CDK14: variants seen among roughly 807,000 people sequenced by gnomAD.
CDK14 encodes cyclin-dependent kinase 14.
A neutral mutation model predicts 60.7 loss-of-function variants in CDK14; 34 were observed. The observed-to-expected ratio is 0.56, with a 90% CI of 0.43 to 0.75. CDK14 has a LOEUF of 0.75. CDK14 is among the 30% of genes least tolerant of loss of function. The pLI is 0.00. For synonymous variants in CDK14, 197 were observed against 203.7 expected, an observed-to-expected ratio of 0.97 and a Z score of 0.28; for missense variants, 482 against 564.1, an observed-to-expected ratio of 0.85 and a Z score of 1.47.
intron 6 of CDK14, among the ~76,000 whole-genome samples, chr7:90,886,995 C>T (rs563849189): frequency 6.6e-6 from 1 of 152,170 alleles, no homozygotes; most frequent in Admixed American, 6.5e-5. Flanking sequence ...TTGACATTTG[C>T]TCATAGGTAC....
chr7:91,071,448 A>AT (rs1048158298), intron 11 of CDK14, among the ~76,000 whole-genome samples: 13 of 151,468 alleles, frequency 8.6e-5, no homozygotes, highest in Non-Finnish European at 1.8e-4. Context: ...GGGACCCCTC[A>AT]CCCCCCCAGC....
intron 14 of CDK14, among the ~76,000 whole-genome samples, chr7:91,127,489 T>C (rs1378071724): frequency 6.6e-6 from 1 of 152,164 alleles, no homozygotes; most frequent in Non-Finnish European, 1.5e-5. Context: ...TTGGTGTTTA[T>C]ACTCAGTGGT....
intron 2 of CDK14, among the ~76,000 whole-genome samples, chr7:90,682,233 C>T (rs1240996721): frequency 2.0e-5 from 3 of 151,994 alleles, no homozygotes; most frequent in African/African-American, 4.8e-5. Flanking sequence ...CTAGAAAAAT[C>T]TTTAAGGGAA....
chr7:90,841,998 C>T (rs1452260782), intron 5 of CDK14, among the ~76,000 whole-genome samples: 1 of 151,996 alleles, frequency 6.6e-6, no homozygotes, highest in Non-Finnish European at 1.5e-5. Flanking sequence ...ATAATCATAA[C>T]ACCTTGGAGT....
At chr7:91,124,671 C>CG (rs1160227709) in intron 14 of CDK14, among the ~76,000 whole-genome samples, 2 of 151,464 alleles carry the variant, frequency 1.3e-5, no homozygotes, top group Non-Finnish European at 2.9e-5. Flanking sequence ...TGGTGAGGGG[C>CG]GGGGGGAATA....
intron 2 of CDK14, chr7:90,692,731 A>G (rs1309946985): frequency 1.2e-6 from 1 of 843,356 alleles, no homozygotes; most frequent in Non-Finnish European, 1.4e-6. Context: ...TCCAAAGGAT[A>G]CTTTTAAAGT....
At chr7:90,616,713 A>C (rs1029318242) in intron 2 of CDK14, among the ~76,000 whole-genome samples, 2 of 152,232 alleles carry the variant, frequency 1.3e-5, no homozygotes, top group Non-Finnish European at 2.9e-5. Flanking sequence ...ATACAATGCA[A>C]ATTGTACAGT....
At position 91,086,562 on chromosome 7, in the gene CDK14, GTTCATCACATA is replaced by G. The variant is rs1798646655; in HGVS notation, c.1154+7084_1154+7094del. On this transcript the variant is annotated intron_variant, in intron 12 of 14. Transcript: ENST00000380050. ...AAACACCGTAAAGGCTCAGCTTCCT[GTTCATCACATA>G]TGAGATGCTATTGAGAGGGGCTCCA... 6.6e-5 allele frequency among the ~76,000 whole-genome samples: 10 copies of G among 152,138 alleles called. No homozygotes were observed. In the South Asian group the frequency reaches 2.1e-3, roughly 32 times the overall value.
intron 8 of CDK14, among the ~76,000 whole-genome samples, chr7:90,937,424 C>G (rs1793789023): frequency 6.6e-6 from 1 of 152,160 alleles, no homozygotes; most frequent in Admixed American, 6.5e-5. Flanking sequence ...AAACCACCTC[C>G]ACAATCAAGT....
chr7:90,610,880 A>G (rs1015077826), intron 2 of CDK14, among the ~76,000 whole-genome samples: 1 of 152,154 alleles, frequency 6.6e-6, no homozygotes, highest in Non-Finnish European at 1.5e-5. Context: ...TAAGACTTCG[A>G]TATATGAATT....
chr7:90,843,682 TA>T (rs1403505596), intron 5 of CDK14, among the ~76,000 whole-genome samples: 3 of 152,060 alleles, frequency 2.0e-5, no homozygotes, highest in Admixed American at 1.3e-4. Flanking sequence ...TGAAGACACA[TA>T]ATCTGTGCAT....
At chr7:90,654,372 A>G (rs2116485435) in intron 2 of CDK14, among the ~76,000 whole-genome samples, 1 of 152,362 alleles carries the variant, frequency 6.6e-6, no homozygotes, top group East Asian at 1.9e-4. Context: ...GCAGACAACA[A>G]TTCACAAATC....
At chr7:90,942,814 G>A (rs979204350) in intron 8 of CDK14, among the ~76,000 whole-genome samples, 2 of 152,282 alleles carry the variant, frequency 1.3e-5, no homozygotes, top group South Asian at 4.1e-4. Flanking sequence ...CCCCAGAACA[G>A]TGGGTAGGGA....
At chr7:91,061,209 G>A (rs1797774081) in intron 11 of CDK14, among the ~76,000 whole-genome samples, 1 of 152,218 alleles carries the variant, frequency 6.6e-6, no homozygotes, top group Non-Finnish European at 1.5e-5. Context: ...TGAGGCTTGT[G>A]CATTCGTCAT....
intron 10 of CDK14, among the ~76,000 whole-genome samples, chr7:91,008,139 A>AC (rs1796036941): frequency 1.4e-5 from 2 of 146,270 alleles, no homozygotes; most frequent in African/African-American, 5.3e-5. Context: ...AAAAAAAAAA[A>AC]AAAAAACAAA....
intron 6 of CDK14, among the ~76,000 whole-genome samples, chr7:90,878,093 T>TGTGTGTGTGA (rs1237217822): frequency 5.9e-4 from 89 of 149,754 alleles, no homozygotes; most frequent in South Asian, 3.4e-3. Flanking sequence ...TGTGTGTGTG[T>TGTGTGTGTGA]GAGAGAGAGA....
chr7:91,059,458 G>T (rs1414749074), intron 11 of CDK14, among the ~76,000 whole-genome samples: 1 of 152,094 alleles, frequency 6.6e-6, no homozygotes, highest in African/African-American at 2.4e-5. Context: ...TTTTGAATGT[G>T]CTTGCTCTTG....
At chr7:90,940,143 G>C (rs1451011530) in intron 8 of CDK14, among the ~76,000 whole-genome samples, 1 of 152,068 alleles carries the variant, frequency 6.6e-6, no homozygotes, top group Non-Finnish European at 1.5e-5. Context: ...TGGGAGTATA[G>C]TGAAAGTTAA....
intron 8 of CDK14, among the ~76,000 whole-genome samples, chr7:90,932,796 A>G (rs1391161716): frequency 2.6e-5 from 4 of 152,156 alleles, no homozygotes; most frequent in Non-Finnish European, 5.9e-5. Context: ...CTCTTGTTTC[A>G]TCTGAATGCT....
Sources: allele counts gnomAD v4.1 joint callset (sites outside exome capture counted in the v4.1 genomes callset), GRCh38; gene constraint gnomAD v4.1.1; transcripts MANE v1.5; gene names NCBI Gene and HGNC (gene_info 2026-07-23, HGNC 2026-07-21).